The following ZIM2 variants were observed in gnomAD, a reference collection of about 807,000 sequenced individuals.
ZIM2 encodes the protein zinc finger imprinted 2.
In ZIM2, 14 loss-of-function variants were observed where a neutral mutation model predicts 38.6. The observed-to-expected ratio is 0.36, with a 90% confidence interval of 0.24 to 0.57. ZIM2 has a LOEUF of 0.57. Among genes scored for constraint, ZIM2 ranks in the 20% least tolerant of loss-of-function variants. The pLI is 0.81. For synonymous variants in ZIM2, 247 were observed against 245.8 expected, an observed-to-expected ratio of 1.00 and a Z score of -0.04; for missense variants, 680 against 695.1, an observed-to-expected ratio of 0.98 and a Z score of 0.24.
rs756682774 is a variant in ZIM2, at chr19:56,781,958, G to A, written c.734C>T (p.Ser245Phe). The A allele has an allele frequency of 2.5e-6, 4 of 1,613,514 alleles. No individual in the cohort carries two copies. The highest frequency in any genetic ancestry group is 1.3e-5 in the African/African-American group (1 of 75,022). ...VMLENYRNLV[S>F]LGHQFSKPDI... ...TGTGGAGAAGGCATACTTACCCAGG[G>A]AGACCAGGTTCCGGTAATTCTCCAG... The change falls in exon 11 of 13, where the codon TCC becomes TTC. Residue 245 changes from serine (S) to phenylalanine (F), a missense_variant. Physicochemically the swap from Ser to Phe is radical, Grantham distance 155. Transcript: ENST00000629319.
intron 9 of ZIM2, chr19:56,793,052 T>G (rs537410556): frequency 2.8e-4 from 43 of 152,852 alleles, no homozygotes; most frequent in African/African-American, 9.9e-4. Context: ...CCTGCCTCTT[T>G]GCTGTTCTTG....
intron 2 of ZIM2, among the ~76,000 whole-genome samples, chr19:56,834,925 C>A (rs554635357): frequency 6.6e-6 from 1 of 152,184 alleles, no homozygotes; most frequent in Admixed American, 6.5e-5. Context: ...GGATCAGGCC[C>A]AGTATCAATG....
intron 9 of ZIM2, among the ~76,000 whole-genome samples, chr19:56,791,996 T>C (rs894019609): frequency 1.1e-4 from 17 of 151,898 alleles, no homozygotes; most frequent in Admixed American, 1.1e-3. Context: ...TTACACTTAA[T>C]ATATTAATGC....
chr19:56,799,754 T>G (rs116902738), intron 9 of ZIM2: 1 of 152,190 alleles, frequency 6.6e-6, no homozygotes, highest in Non-Finnish European at 1.5e-5. Flanking sequence ...AGCAGCTATA[T>G]TCATAATAGC....
At chr19:56,792,732 A>T (rs1375675736) in intron 9 of ZIM2, among the ~76,000 whole-genome samples, 1 of 152,038 alleles carries the variant, frequency 6.6e-6, no homozygotes. Context: ...TGGGTGACAG[A>T]ATCATTAGAA....
In ZIM2 at chr19:56,815,721, A is replaced by C. The variant is rs763079380; in HGVS notation, c.490+2025T>G. ...ACTCACCAGATCCCTCTCCAGGAAC[A>C]CTTTTCTGAGGTTTGGCACGGAATA... is the stretch of plus-strand genomic sequence containing the variant. On this transcript the variant is annotated intron_variant, in intron 9 of 12. Transcript: ENST00000629319. The C allele has an allele frequency of 5.0e-6, 8 of 1,614,066 alleles. No individual in the cohort carries two copies. The Admixed American group carries it at 1.3e-4, about 27-fold the overall frequency.
chr19:56,776,743 G>A (rs969440968), intron 12 of ZIM2, among the ~76,000 whole-genome samples: 12 of 152,244 alleles, frequency 7.9e-5, no homozygotes, highest in African/African-American at 2.6e-4. Context: ...TGTAAGTGAC[G>A]ACAGGAGCAG....
At chr19:56,823,433 T>A (rs1201522274) in intron 5 of ZIM2, among the ~76,000 whole-genome samples, 157 bp downstream of exon 5, 2 of 152,218 alleles carry the variant, frequency 1.3e-5, no homozygotes, top group Non-Finnish European at 2.9e-5. Flanking sequence ...TGTCTCATTA[T>A]GACATCAATT....
chr19:56,831,450 G>A (rs557167608), intron 2 of ZIM2, among the ~76,000 whole-genome samples: 1 of 152,340 alleles, frequency 6.6e-6, no homozygotes, highest in South Asian at 2.1e-4. Context: ...CTAGAATTAG[G>A]GTTGGCCTTT....
chr19:56,820,162 T>C (rs562846139), intron 7 of ZIM2, among the ~76,000 whole-genome samples: 28 of 152,366 alleles, frequency 1.8e-4, no homozygotes, highest in African/African-American at 6.5e-4. Flanking sequence ...TCAAGTTCAA[T>C]GGAAGAGATG....
At chr19:56,782,376 A>C (rs1182077761) in intron 10 of ZIM2, 1 of 489,638 alleles carries the variant, frequency 2.0e-6, no homozygotes, top group Non-Finnish European at 3.8e-6. Flanking sequence ...AAGCATGCAA[A>C]TACTTAAAAG....
intron 1 of ZIM2, among the ~76,000 whole-genome samples, chr19:56,838,161 G>A (rs950300932): frequency 4.6e-5 from 7 of 152,118 alleles, no homozygotes; most frequent in African/African-American, 1.7e-4. Flanking sequence ...CTCTGCACCC[G>A]GCCCTACAGC....
intron 11 of ZIM2, among the ~76,000 whole-genome samples, chr19:56,781,220 T>TC (rs2046316921): frequency 6.7e-6 from 1 of 148,560 alleles, no homozygotes; most frequent in Non-Finnish European, 1.5e-5. Flanking sequence ...TCCCACTAGG[T>TC]CCCTGACTTG....
chr19:56,813,678 G>T (rs2059698661), intron 9 of ZIM2: 2 of 1,611,588 alleles, frequency 1.2e-6, no homozygotes, highest in Non-Finnish European at 1.7e-6. Context: ...CATGCCCTCA[G>T]CCAGTGTGGG....
chr19:56,821,123 TGTGA>T (rs2060448205), intron 7 of ZIM2, among the ~76,000 whole-genome samples: 1 of 152,252 alleles, frequency 6.6e-6, no homozygotes, highest in South Asian at 2.1e-4. Flanking sequence ...TATGTATGTG[TGTGA>T]GTGACTTTTC....
chr19:56,778,917 GTA>G (rs2046169526), intron 12 of ZIM2, among the ~76,000 whole-genome samples: 2 of 152,090 alleles, frequency 1.3e-5, no homozygotes, highest in Non-Finnish European at 2.9e-5. Flanking sequence ...AGAAAAGAGC[GTA>G]TATGTGTGTC....
chr19:56,804,495 A>AT (rs1267707604), intron 9 of ZIM2, among the ~76,000 whole-genome samples: 1 of 152,188 alleles, frequency 6.6e-6, no homozygotes, highest in East Asian at 1.9e-4. Context: ...AGGTGTAGCG[A>AT]TTTCTGTCAA....
At chr19:56,794,635 T>C (rs2047102937) in intron 9 of ZIM2, among the ~76,000 whole-genome samples, 1 of 152,186 alleles carries the variant, frequency 6.6e-6, no homozygotes, top group Admixed American at 6.5e-5. Context: ...TCTTCCAAAC[T>C]CAATGTATAA....
At chr19:56,834,834 G>C (rs907467180) in intron 2 of ZIM2, among the ~76,000 whole-genome samples, 1 of 152,108 alleles carries the variant, frequency 6.6e-6, no homozygotes, top group East Asian at 1.9e-4. Context: ...CTTGTGATGG[G>C]AGTTTCCATT....
Sources: allele counts gnomAD v4.1 joint callset (sites outside exome capture counted in the v4.1 genomes callset), GRCh38; gene constraint gnomAD v4.1.1; transcripts MANE v1.5; gene names NCBI Gene and HGNC (gene_info 2026-07-23, HGNC 2026-07-21).